Variants in FTO observed in about 807,000 individuals in gnomAD.
The protein encoded by FTO is alpha-ketoglutarate-dependent dioxygenase FTO.
FTO carries 47 observed loss-of-function variants against 63.9 expected under a neutral mutation model. That is an observed-to-expected ratio of 0.74 (90% confidence interval 0.58 to 0.94). FTO has a LOEUF of 0.94. Ranked by LOEUF, FTO falls within the 40% of genes least tolerant of loss-of-function variation. FTO has a pLI of 0.00. For synonymous variants in FTO, 207 were observed against 224.4 expected (o/e 0.92, Z 0.69); for missense variants, 562 against 618.1 (o/e 0.91, Z 0.96).
At chr16:54,004,190 T>C (rs531386197) in intron 8 of FTO, among the ~76,000 whole-genome samples, 13 of 152,294 alleles carry the variant, frequency 8.5e-5, no homozygotes, top group Non-Finnish European at 1.5e-4. Context: ...TTGATGATTT[T>C]TACTTAGCAT....
chr16:53,777,096 G>A (rs879400291), intron 1 of FTO, among the ~76,000 whole-genome samples: 1 of 152,014 alleles, frequency 6.6e-6, no homozygotes, highest in African/African-American at 2.4e-5. Context: ...TACTATTTTA[G>A]CAAATTTGAA....
chr16:53,881,737 T>C (rs535630562), intron 6 of FTO, among the ~76,000 whole-genome samples: 18 of 152,368 alleles, frequency 1.2e-4, no homozygotes, highest in African/African-American at 4.3e-4. Flanking sequence ...ATACATTGTT[T>C]AGTTACTTAA....
intron 7 of FTO, among the ~76,000 whole-genome samples, chr16:53,927,140 C>A (rs895055747): frequency 1.3e-5 from 2 of 152,140 alleles, no homozygotes; most frequent in Non-Finnish European, 2.9e-5. Context: ...TGGACACAGA[C>A]AGATCAGTTT....
chr16:53,978,531 A>G (rs777854514), intron 8 of FTO, among the ~76,000 whole-genome samples: 9 of 152,232 alleles, frequency 5.9e-5, no homozygotes, highest in Non-Finnish European at 8.8e-5. Context: ...TTGTAACTTT[A>G]TTATTACTAT....
At chr16:53,901,643 T>C (rs1218638891) in intron 7 of FTO, among the ~76,000 whole-genome samples, 1 of 152,156 alleles carries the variant, frequency 6.6e-6, no homozygotes, top group African/African-American at 2.4e-5. Context: ...CACTTCAGCT[T>C]GTCAGTCACA....
At chr16:53,858,436 T>C (rs573333698) in intron 4 of FTO, among the ~76,000 whole-genome samples, 19 of 152,190 alleles carry the variant, frequency 1.2e-4, no homozygotes, top group Non-Finnish European at 2.6e-4. Context: ...GTAAGAGCTT[T>C]GGCTAGTTTT....
At chr16:54,027,625 A>G (rs919192563) in intron 8 of FTO, among the ~76,000 whole-genome samples, 9 of 152,218 alleles carry the variant, frequency 5.9e-5, no homozygotes, top group Admixed American at 4.6e-4. Flanking sequence ...GGGTATTTCT[A>G]TGCACAGATG....
chr16:54,063,074 ACTTTTC>A (rs1321649270), intron 8 of FTO, among the ~76,000 whole-genome samples: 1 of 152,148 alleles, frequency 6.6e-6, no homozygotes, highest in African/African-American at 2.4e-5. Context: ...AGATTTCGAC[ACTTTTC>A]CTTTATGAAG....
intron 8 of FTO, among the ~76,000 whole-genome samples, chr16:54,081,287 C>T (rs1449077125): frequency 2.0e-5 from 3 of 152,100 alleles, no homozygotes; most frequent in East Asian, 1.9e-4. Flanking sequence ...CCAAAGAAGG[C>T]GATTAGATAT....
At chr16:53,837,274 C>G (rs1380136048) in intron 3 of FTO, among the ~76,000 whole-genome samples, 1 of 152,098 alleles carries the variant, frequency 6.6e-6, no homozygotes, top group Admixed American at 6.6e-5. Context: ...ATATTTTTAT[C>G]TTAAATTTTT....
rs1009710862 is a variant in FTO, at chr16:53,989,056, G to A, written c.1364+54947G>A. On this transcript the variant is annotated intron_variant, in intron 8 of 8. Coordinates refer to ENST00000471389, the MANE Select transcript of FTO (RefSeq NM_001080432.3). Reference sequence around the variant, plus strand: ...TAGTGAGGGGGGTTGGTAAGTAAAGGGGTATGGCTAAGTAGCCCGCCAAGG... The same window carrying A: ...TAGTGAGGGGGGTTGGTAAGTAAAGAGGTATGGCTAAGTAGCCCGCCAAGG... 3.3e-5 allele frequency among the ~76,000 whole-genome samples: 5 copies of A among 152,076 alleles called. No homozygotes were observed. The East Asian group carries it at 5.8e-4, about 18-fold the overall frequency.
Position 53,917,598 on chromosome 16 carries a change from T to G in FTO, c.1240-16387T>G, listed in dbSNP as rs560983603. Among the ~76,000 whole-genome samples, 3 of 151,190 alleles carry G rather than the reference T, an allele frequency of 2.0e-5. No individual in the cohort carries two copies. In the East Asian group the frequency reaches 5.8e-4, roughly 29 times the overall value. On this transcript the variant is annotated intron_variant, in intron 7 of 8. Transcript: ENST00000471389. Reference sequence around the variant, plus strand: ...CTGATTATGTGTTTTAGGTAGTCATTGTGATGGGTTTTTTTTTCATGGCTA... The same window carrying G: ...CTGATTATGTGTTTTAGGTAGTCATGGTGATGGGTTTTTTTTTCATGGCTA...
At chr16:54,096,557 G>A (rs1438106483) in intron 8 of FTO, among the ~76,000 whole-genome samples, 1 of 152,180 alleles carries the variant, frequency 6.6e-6, no homozygotes, top group Non-Finnish European at 1.5e-5. Flanking sequence ...TAGCGCCCAG[G>A]AAGTACTGGA....
chr16:53,931,892 A>ACACACACC lies in FTO; in HGVS notation c.1240-2086_1240-2085insCCACACAC, dbSNP rs1555495373. On this transcript the variant is annotated intron_variant, in intron 7 of 8. Coordinates refer to ENST00000471389, the MANE Select transcript of FTO (RefSeq NM_001080432.3). ...ATTAAACACACACACACACACACAC[A>ACACACACC]CACACACACACACACGCACATACCA... Among the ~76,000 whole-genome samples, 682 of 151,800 alleles carry ACACACACC rather than the reference A, an allele frequency of 4.5e-3. 6 individuals carry two copies. The highest frequency in any genetic ancestry group is 0.015 in the African/African-American group (633 of 41,268).
In FTO at chr16:53,879,938, A is replaced by G; in HGVS notation, c.1070A>G (p.Lys357Arg). Reference protein sequence around the residue: ...DDVDNDDVSLKSFEPAVLKQG... With the variant: ...DDVDNDDVSLRSFEPAVLKQG... ...GTGGACAATGATGATGTCTCTTTGA[A>G]ATCCTTTGAGCCTGCAGTTTTGAAA... Residue 357 changes from lysine (K) to arginine (R), a missense_variant, in exon 6 of 9, where the codon AAA (lysine) becomes AGA (arginine). Coordinates refer to ENST00000471389, the MANE Select transcript of FTO (RefSeq NM_001080432.3). 1.2e-6 allele frequency: 2 copies of G among 1,613,956 alleles called. No individual in the cohort carries two copies. The highest frequency in any genetic ancestry group is 1.7e-6 in the Non-Finnish European group (2 of 1,179,948).
At chr16:53,779,625 T>C (rs1016972851) in intron 1 of FTO, among the ~76,000 whole-genome samples, 1 of 152,244 alleles carries the variant, frequency 6.6e-6, no homozygotes, top group Non-Finnish European at 1.5e-5. Context: ...TTTATATAAA[T>C]GTAAGGGGTA....
At chr16:53,949,018 A>G (rs1186360280) in intron 8 of FTO, among the ~76,000 whole-genome samples, 1 of 152,184 alleles carries the variant, frequency 6.6e-6, no homozygotes, top group African/African-American at 2.4e-5. Context: ...TCCTTTTATA[A>G]ACAAAGTATA....
intron 1 of FTO, among the ~76,000 whole-genome samples, chr16:53,794,262 T>C (rs974234791): frequency 3.3e-5 from 5 of 152,224 alleles, no homozygotes; most frequent in Admixed American, 6.5e-5. Context: ...AAGATGGTAC[T>C]GTAAGCTCAC....
At chr16:53,707,449 T>G (rs1397738911) in intron 1 of FTO, among the ~76,000 whole-genome samples, 2 of 152,220 alleles carry the variant, frequency 1.3e-5, no homozygotes, top group Non-Finnish European at 2.9e-5. Flanking sequence ...AGGACACTTT[T>G]TCCAAATAAG....
Sources: gnomAD v4.1 joint callset for allele counts (sites outside exome capture counted in the v4.1 genomes callset) on GRCh38, gnomAD v4.1.1 for gene constraint, MANE v1.5 for transcripts, NCBI Gene and HGNC (gene_info 2026-07-23, HGNC 2026-07-21) for gene names.